Variants in PROCA1 observed in about 807,000 individuals in gnomAD.
PROCA1 encodes protein PROCA1.
A neutral mutation model predicts 23.2 loss-of-function variants in PROCA1; 22 were observed. The observed-to-expected ratio is 0.95, with a 90% CI of 0.68 to 1.35. The LOEUF is 1.35. PROCA1 is among the 40% of genes most tolerant of loss of function. PROCA1 has a pLI of 0.00. For missense variants in PROCA1, 469 were observed against 459.8 expected, an observed-to-expected ratio of 1.02 and a Z score of -0.18; for synonymous variants, 182 against 179.2, an observed-to-expected ratio of 1.02 and a Z score of -0.12.
intron 1 of PROCA1, among the ~76,000 whole-genome samples, chr17:28,709,426 TA>T (rs1171770529): frequency 6.6e-6 from 1 of 151,902 alleles, no homozygotes; most frequent in East Asian, 2.0e-4. Flanking sequence ...CGGCTAATTT[TA>T]TGTATTTTTA....
intron 1 of PROCA1, among the ~76,000 whole-genome samples, chr17:28,708,707 C>T (rs998531645): frequency 2.1e-5 from 3 of 143,042 alleles, no homozygotes; most frequent in Non-Finnish European, 3.0e-5. Context: ...GGCAATATAG[C>T]GAGACCCCGT....
At chr17:28,710,456 G>C (rs888627328) in intron 1 of PROCA1, among the ~76,000 whole-genome samples, 14 of 142,452 alleles carry the variant, frequency 9.8e-5, no homozygotes, top group Non-Finnish European at 6.0e-5. Flanking sequence ...GCAGTGAGCC[G>C]ATATTGCGCC....
intron 2 of PROCA1, chr17:28,706,054 C>T: frequency 6.5e-6 from 1 of 152,968 alleles, no homozygotes; most frequent in Non-Finnish European, 1.5e-5. Flanking sequence ...CTGAGGCTTA[C>T]CCACATTTCT....
chr17:28,704,368 C>G lies in PROCA1; in HGVS notation c.379G>C (p.Glu127Gln). The G allele has an allele frequency of 6.2e-7, 1 of 1,614,124 alleles. No individual in the cohort carries two copies. Among genetic ancestry groups the G allele is most frequent in the South Asian group, 1.1e-5 (1 of 91,078 alleles). Residue 127 changes from glutamate to glutamine, a missense_variant, in exon 4 of 5, where the codon GAG becomes CAG. By Grantham distance (29) the Glu-to-Gln change is conservative. Transcript: ENST00000682792. Reference protein sequence around the residue: ...GAGPTCSHVIESPCFELTPEE... With the variant: ...GAGPTCSHVIQSPCFELTPEE... ...GGTGTGAGCTCAAAGCAAGGGGACT[C>G]GATGACATGGGAGCAGGTTGGGCCC...
intron 2 of PROCA1, chr17:28,705,115 C>T (rs904219302): frequency 1.4e-5 from 5 of 347,308 alleles, no homozygotes; most frequent in African/African-American, 6.4e-5. Flanking sequence ...AGTGGGAGGC[C>T]TCCACCAGCT....
rs772516209 is a variant in PROCA1, at chr17:28,703,663, C to T, written c.990G>A (p.Lys330=). 4 of 1,614,102 alleles carry T rather than the reference C, an allele frequency of 2.5e-6. No individual in the cohort carries two copies. In the South Asian group the frequency reaches 3.3e-5, roughly 13 times the overall value. Residue 330 remains lysine, a synonymous_variant, in exon 5 of 5, where the codon AAG becomes AAA. Coordinates refer to ENST00000682792, the MANE Select transcript of PROCA1 (RefSeq NM_001366301.1). ...TTTTGGCCTGGACTGTGTTCTCTCT[C>T]TTCCTGGGCGATGATGATTCCACAA... The part of the protein sequence containing the change: ...EDIVESSSPR[K]RENTVQAKKT...
rs1394955152 is a variant in PROCA1, at chr17:28,711,567, T to C, written c.91+3A>G. On this transcript the variant is annotated splice_donor_region_variant and intron_variant, in intron 1 of 4. Transcript: ENST00000682792. Reference sequence around the variant, plus strand: ...TGCCCAGCCCCTGCCCCGCCCCTCTTACCGCGGCATCTGCTCTCATCCCAC... The same window carrying C: ...TGCCCAGCCCCTGCCCCGCCCCTCTCACCGCGGCATCTGCTCTCATCCCAC... The C allele has an allele frequency of 1.9e-6, 3 of 1,607,030 alleles. No individual in the cohort carries two copies. Among genetic ancestry groups the C allele is most frequent in the Admixed American group, 1.7e-5 (1 of 59,628 alleles).
rs1243636629 is a variant in PROCA1 at position 28,708,191 on chromosome 17, G to A, written c.92-1428C>T. Among the ~76,000 whole-genome samples, 3 of 152,204 alleles carry A rather than the reference G, an allele frequency of 2.0e-5. No individual in the cohort carries two copies. The East Asian group carries it at 5.8e-4, about 29-fold the overall frequency. ...CACCTGGCTAATTTTTGTATTTTTA[G>A]TAGAGACGGGGTTTCACCATGTTGG... On this transcript the variant is annotated intron_variant, in intron 1 of 4. Transcript: ENST00000682792.
chr17:28,705,251 C>T, intron 2 of PROCA1: 1 of 198,610 alleles, frequency 5.0e-6, no homozygotes. Flanking sequence ...GCAGCATCCT[C>T]AGTTCCTACA....
chr17:28,708,746 A>AAAAAAAAAAAAAAC (rs1397882346), intron 1 of PROCA1, among the ~76,000 whole-genome samples: 4 of 150,896 alleles, frequency 2.7e-5, no homozygotes, highest in South Asian at 2.1e-4. Context: ...AAAAAAAAAA[A>AAAAAAAAAAAAAAC]CGACATTTTG....
chr17:28,704,758 GAC>G lies in PROCA1; in HGVS notation c.259_260del (p.Val87ProfsTer15), dbSNP rs781735875. The G allele has an allele frequency of 2.5e-5, 41 of 1,613,958 alleles. No individual in the cohort carries two copies. The highest frequency in any genetic ancestry group is 3.2e-5 in the Non-Finnish European group (38 of 1,179,992). Reference protein sequence around the residue: ...HIIYPFASDCVRHSLHLHSVN... With the variant: ...HIIYPFASDCXRHSLHLHSVN... ...CAGAGTGTAGGTGCAGGCTGTGGCGGACACAGTCAGAGGCGAAAGGGTAGATG... is the reference window on the plus strand; with the variant it reads ...CAGAGTGTAGGTGCAGGCTGTGGCGGACAGTCAGAGGCGAAAGGGTAGATG... On this transcript the variant is annotated frameshift_variant, in exon 3 of 5. Transcript: ENST00000682792. LOFTEE classifies it high-confidence loss of function.
At chr17:28,704,945 T>C (rs2032391595) in intron 2 of PROCA1, 102 bp from the exon 3 acceptor site, 5 of 1,118,490 alleles carry the variant, frequency 4.5e-6, no homozygotes, top group Non-Finnish European at 5.1e-6. Context: ...CACCACCAGC[T>C]GTCCACCCCA....
rs541966505 is a variant in PROCA1 at position 28,709,407 on chromosome 17, C to A, written c.91+2163G>T. ...AGGAGCTGGGACTACAGACGCCCACCACCATGCCCGGCTAATTTTATGTAT... is the reference window on the plus strand; with the variant it reads ...AGGAGCTGGGACTACAGACGCCCACAACCATGCCCGGCTAATTTTATGTAT... On this transcript the variant is annotated intron_variant, in intron 1 of 4. Transcript: ENST00000682792. Among the ~76,000 whole-genome samples, 9 of 152,144 alleles carry A rather than the reference C, an allele frequency of 5.9e-5. No individual in the cohort carries two copies. In the South Asian group the frequency reaches 1.7e-3, roughly 28 times the overall value.
rs536086715 is a variant in PROCA1 at position 28,703,982 on chromosome 17, G to A, written c.671C>T (p.Thr224Ile). Residue 224 changes from threonine to isoleucine, a missense_variant, in exon 5 of 5, where the codon ACA becomes ATA. Thr to Ile is a moderately conservative substitution (Grantham distance 89). Transcript: ENST00000682792. Reference protein sequence around the residue: ...PITIWRSESPTGKGQGSKVIK... With the variant: ...PITIWRSESPIGKGQGSKVIK... Reference sequence around the variant, plus strand: ...CACCTTGCTGCCCTGACCCTTCCCTGTGGGGCTCTCAGAGCGCCAGATGGT... The same window carrying A: ...CACCTTGCTGCCCTGACCCTTCCCTATGGGGCTCTCAGAGCGCCAGATGGT... The A allele has an allele frequency of 3.7e-6, 6 of 1,610,376 alleles. No individual in the cohort carries two copies. The African/African-American group carries it at 4.0e-5, about 11-fold the overall frequency.
chr17:28,711,047 G>A lies in PROCA1; in HGVS notation c.91+523C>T, dbSNP rs988007769. On this transcript the variant is annotated intron_variant, in intron 1 of 4. Transcript: ENST00000682792. ...TAGGAGAGGAAGGAGGGAAGAGGAG[G>A]AAGCAAGGGAGGGGCAGTGCGCCCG... 6.0e-6 allele frequency: 7 copies of A among 1,162,050 alleles called. 1 individual carries two copies. Among genetic ancestry groups the A allele is most frequent in the Non-Finnish European group, 7.6e-6 (7 of 920,590 alleles). 72.0% of individuals were successfully genotyped at this position (1,162,050 alleles called of 1,614,324 possible).
In PROCA1 at chr17:28,704,840, T is replaced by A. The variant is rs2032384613; in HGVS notation, c.179A>T (p.Asp60Val). ...GCAGCACTTGTCAGGCTCCTTGCAG[T>A]CACCTGAGGGGGCAGGAGTCTGGGT... ...STDVSTFSEGDCKEPDKCCWR... is the reference protein window; with the variant it reads ...STDVSTFSEGVCKEPDKCCWR... The change falls in exon 3 of 5, where the codon GAC (aspartate) becomes GTC (valine). Residue 60 changes from aspartate (D) to valine (V), a missense_variant. By Grantham distance (152) the Asp-to-Val change is radical (BLOSUM62 -3). Transcript: ENST00000682792. 5 of 1,612,240 alleles carry A rather than the reference T, an allele frequency of 3.1e-6. No homozygotes were observed. The highest frequency in any genetic ancestry group is 4.2e-6 in the Non-Finnish European group (5 of 1,179,756).
At position 28,703,224 on chromosome 17, in the gene PROCA1, G is replaced by T. The variant is rs531282875; in HGVS notation, c.*334C>A. 2.2e-5 allele frequency: 6 copies of T among 278,250 alleles called. No individual in the cohort carries two copies. In the Admixed American group the frequency reaches 2.4e-4, roughly 11 times the overall value. The allele number at this position is 278,250 out of a possible 1,614,324, so 17.2% of individuals were successfully genotyped here. ...GGTTAAAAAGTTCCGTTTATTGGGG[G>T]TATCGCTGCAGACAGTACTGCCTGT... On this transcript the variant is annotated 3_prime_UTR_variant, in exon 5 of 5. Transcript: ENST00000682792.
At chr17:28,704,601 C>T (rs376900833) in intron 3 of PROCA1, 107 bp downstream of exon 3, 6 of 1,568,606 alleles carry the variant, frequency 3.8e-6, no homozygotes, top group African/African-American at 1.3e-5. Context: ...ACTGGGCTGG[C>T]AGCACCAATT....
intron 1 of PROCA1, chr17:28,711,309 C>T: frequency 1.7e-6 from 1 of 571,636 alleles, no homozygotes; most frequent in Non-Finnish European, 2.8e-6. Context: ...TGGCTGGAAC[C>T]AGACTTCCCG....
Sources: gnomAD v4.1 joint callset for allele counts (sites outside exome capture counted in the v4.1 genomes callset) on GRCh38, gnomAD v4.1.1 for gene constraint, MANE v1.5 for transcripts, NCBI Gene and HGNC (gene_info 2026-07-23, HGNC 2026-07-21) for gene names.